The following ICA1 variants were observed in gnomAD, a reference collection of about 807,000 sequenced individuals.
ICA1 encodes the protein 69 kDa islet cell autoantigen.
In ICA1, 40 loss-of-function variants were observed where a neutral mutation model predicts 71.0. The ratio of observed to expected loss-of-function variants is 0.56; its 90% CI spans 0.44 to 0.73. The LOEUF (loss-of-function observed/expected upper bound fraction) is 0.73. Among genes scored for constraint, ICA1 ranks in the 30% least tolerant of loss-of-function variants. The pLI is 0.00. For synonymous variants in ICA1, 207 were observed against 209.5 expected (o/e 0.99, Z 0.10); for missense variants, 578 against 576.5 (o/e 1.00, Z -0.03).
intron 2 of ICA1, 111 bp from the exon 3 acceptor site, chr7:8,232,866 AC>A: frequency 1.1e-6 from 1 of 902,926 alleles, no homozygotes; most frequent in Non-Finnish European, 1.6e-6. Context: ...TACATTTACA[AC>A]ATTGATAAAC....
chr7:8,235,844 T>C, intron 2 of ICA1, 66 bp downstream of exon 2: 1 of 1,485,238 alleles, frequency 6.7e-7, no homozygotes, highest in Non-Finnish European at 9.4e-7. Context: ...ATTCAATAGA[T>C]GTTTATTGAT....
chr7:8,172,663 T>C lies in ICA1; in HGVS notation c.580-14011A>G, dbSNP rs192602234. 9.8e-5 allele frequency among the ~76,000 whole-genome samples: 15 copies of C among 152,348 alleles called. No individual in the cohort carries two copies. In the East Asian group the frequency reaches 2.7e-3, roughly 27 times the overall value. ...TGCTTTGAAATAATCACATGTTTTT[T>C]CTAAGTTGCTTATAAACCATCTAGA... On this transcript the variant is annotated intron_variant, in intron 6 of 13. Transcript: ENST00000402384.
intron 6 of ICA1, among the ~76,000 whole-genome samples, chr7:8,197,455 G>A (rs1788044313): frequency 6.6e-6 from 1 of 150,886 alleles, no homozygotes. Context: ...CGGGAGACTG[G>A]GGCAGAAGAC....
intron 1 of ICA1, among the ~76,000 whole-genome samples, chr7:8,242,937 CA>C (rs1563171129): frequency 6.6e-6 from 1 of 151,976 alleles, no homozygotes; most frequent in Non-Finnish European, 1.5e-5. Flanking sequence ...GCCTACCAAC[CA>C]AAAAAAGTCC....
At chr7:8,236,041 C>A in intron 1 of ICA1, 36 bp from the exon 2 acceptor site, 3 of 1,083,642 alleles carry the variant, frequency 2.8e-6, no homozygotes, top group South Asian at 2.9e-5. Context: ...AGTTACACAC[C>A]ATATTATAGT....
At chr7:8,232,802 T>G (rs777198161) in intron 2 of ICA1, 47 bp from the exon 3 acceptor site, 3 of 1,432,294 alleles carry the variant, frequency 2.1e-6, no homozygotes, top group African/African-American at 2.9e-5. Flanking sequence ...TCATAAAGAT[T>G]AAGATATTTT....
At chr7:8,233,076 G>C (rs1193567129) in intron 2 of ICA1, among the ~76,000 whole-genome samples, 1 of 152,098 alleles carries the variant, frequency 6.6e-6, no homozygotes. Flanking sequence ...AGCCAGGCAG[G>C]GTGACTGGCC....
chr7:8,116,380 C>A (rs1784806798), intron 13 of ICA1: 2 of 152,320 alleles, frequency 1.3e-5, no homozygotes, highest in African/African-American at 4.8e-5. Flanking sequence ...ATGGACCCAC[C>A]AGTTGATGGC....
rs188597426 is a variant in ICA1, at chr7:8,246,078, A to G, written c.-79-10073T>C. 1.8e-4 allele frequency among the ~76,000 whole-genome samples: 28 copies of G among 152,362 alleles called. No homozygotes were observed. In the East Asian group the frequency reaches 5.0e-3, roughly 27 times the overall value. The stretch of plus-strand genomic sequence containing the variant: ...GCCCTTATGAAACAAGCCCAGAAAG[A>G]ATGGTGTCACATCTCCAGCTTTTTA... On this transcript the variant is annotated intron_variant, in intron 1 of 13. Coordinates refer to ENST00000402384, the MANE Select transcript of ICA1 (RefSeq NM_001136020.3).
chr7:8,203,417 A>G (rs1025776692), intron 6 of ICA1, among the ~76,000 whole-genome samples: 1 of 152,142 alleles, frequency 6.6e-6, no homozygotes, highest in Non-Finnish European at 1.5e-5. Flanking sequence ...ATAGAGCAAA[A>G]TTGCCTTTTT....
intron 6 of ICA1, among the ~76,000 whole-genome samples, chr7:8,206,870 C>T (rs1791780935): frequency 6.6e-6 from 1 of 152,132 alleles, no homozygotes; most frequent in Non-Finnish European, 1.5e-5. Context: ...CTATTTTCCC[C>T]TATGGTCCCT....
chr7:8,242,372 A>G (rs1353745627), intron 1 of ICA1, among the ~76,000 whole-genome samples: 4 of 152,250 alleles, frequency 2.6e-5, no homozygotes, highest in Non-Finnish European at 5.9e-5. Flanking sequence ...ACCAAAGAGA[A>G]CAAAGACACA....
chr7:8,170,075 G>A (rs1295419971), intron 6 of ICA1, among the ~76,000 whole-genome samples: 1 of 152,000 alleles, frequency 6.6e-6, no homozygotes, highest in Non-Finnish European at 1.5e-5. Flanking sequence ...GTGGGACAAA[G>A]ATGTAGGCTC....
Position 8,218,299 on chromosome 7 carries a change from T to C in ICA1, c.579+6A>G. 1 of 1,613,866 alleles carries C rather than the reference T, an allele frequency of 6.2e-7. No homozygotes were observed. Among genetic ancestry groups the C allele is most frequent in the Non-Finnish European group, 8.5e-7 (1 of 1,179,774 alleles). ...CCCTTCTGCTAACCCTCATAAAACC[T>C]CCTACCTTCCTGAACTTCTCCATTT... On this transcript the variant is annotated splice_donor_region_variant and intron_variant, in intron 6 of 13. Coordinates refer to ENST00000402384, the MANE Select transcript of ICA1 (RefSeq NM_001136020.3).
At chr7:8,216,931 T>G (rs1795598577) in intron 6 of ICA1, among the ~76,000 whole-genome samples, 1 of 152,214 alleles carries the variant, frequency 6.6e-6, no homozygotes, top group African/African-American at 2.4e-5. Flanking sequence ...TGCAGGCAAT[T>G]TTTTTCACCC....
At chr7:8,229,471 C>A (rs960491876) in intron 3 of ICA1, among the ~76,000 whole-genome samples, 1 of 152,144 alleles carries the variant, frequency 6.6e-6, no homozygotes, top group Admixed American at 6.6e-5. Context: ...AACTTAGGGA[C>A]CAGATATGGT....
intron 6 of ICA1, among the ~76,000 whole-genome samples, chr7:8,206,858 G>C (rs909841845): frequency 1.3e-4 from 19 of 151,872 alleles, no homozygotes; most frequent in Admixed American, 5.9e-4. Flanking sequence ...TTAATCTGTA[G>C]ACTATTTTCC....
chr7:8,117,719 A>G (rs1785232129), intron 13 of ICA1, among the ~76,000 whole-genome samples: 1 of 152,172 alleles, frequency 6.6e-6, no homozygotes, highest in South Asian at 2.1e-4. Context: ...TTTTAAGGAA[A>G]AGATTTGTAT....
At chr7:8,131,243 G>C (rs765726798) in intron 12 of ICA1, among the ~76,000 whole-genome samples, 2 of 152,202 alleles carry the variant, frequency 1.3e-5, no homozygotes, top group Non-Finnish European at 2.9e-5. Context: ...TAAGCGCCTG[G>C]ATCCAGCCTT....
Sources: gnomAD v4.1 joint callset for allele counts (sites outside exome capture counted in the v4.1 genomes callset) on GRCh38, gnomAD v4.1.1 for gene constraint, MANE v1.5 for transcripts, NCBI Gene and HGNC (gene_info 2026-07-23, HGNC 2026-07-21) for gene names.